NEFH: variants seen among roughly 807,000 people sequenced by gnomAD.
NEFH encodes neurofilament heavy chain, also known as neurofilament heavy polypeptide.
In NEFH, 58 loss-of-function variants were observed where a neutral mutation model predicts 56.6. The ratio of observed to expected loss-of-function variants is 1.03; its 90% CI spans 0.83 to 1.28. NEFH has a LOEUF of 1.28. Among genes scored for constraint, NEFH ranks in the 50% most tolerant of loss-of-function variants. The pLI is 0.00. For synonymous variants in NEFH, 542 were observed against 545.8 expected (o/e 0.99, Z 0.10); for missense variants, 1,221 against 1,307.6 (o/e 0.93, Z 1.02).
chr22:29,484,583 G>T (rs552244949), intron 2 of NEFH, among the ~76,000 whole-genome samples: 2 of 152,322 alleles, frequency 1.3e-5, no homozygotes, highest in East Asian at 3.9e-4. Context: ...GGAGATGGGG[G>T]TTACAGTGAG....
chr22:29,481,161 G>T lies in NEFH; in HGVS notation c.883+16G>T. On this transcript the variant is annotated intron_variant, in intron 1 of 3. Transcript: ENST00000310624. Reference sequence around the variant, plus strand: ...TGGTTCCGAGGTACGCAGGCGCGCGGGTGGGGGGAGGGGCGCCCCTGCTGA... The same window carrying T: ...TGGTTCCGAGGTACGCAGGCGCGCGTGTGGGGGGAGGGGCGCCCCTGCTGA... The T allele has an allele frequency of 2.0e-6, 3 of 1,529,866 alleles. No homozygotes were observed. The highest frequency in any genetic ancestry group is 1.2e-5 in the South Asian group (1 of 83,794). 94.8% of individuals were successfully genotyped at this position (1,529,866 alleles called of 1,614,324 possible).
In NEFH at chr22:29,480,557, G is replaced by C; in HGVS notation, c.295G>C (p.Glu99Gln). Residue 99 changes from glutamate to glutamine, a missense_variant, in exon 1 of 4, where the codon GAG (glutamate) becomes CAG (glutamine). Physicochemically the swap from Glu to Gln is conservative, Grantham distance 29. Around this residue, in one of 4 missense-constraint regions of NEFH, gnomAD observed 640 missense variants for 555.5 expected, o/e 1.15. Transcript: ENST00000310624. ...GGTGGCCACCTCACGCAGTGAGAAG[G>C]AGCAGCTGCAGGCGCTGAACGACCG... Reference protein sequence around the residue: ...VAVATSRSEKEQLQALNDRFA... With the variant: ...VAVATSRSEKQQLQALNDRFA... The C allele has an allele frequency of 1.9e-6, 3 of 1,542,148 alleles. No homozygotes were observed. The highest frequency in any genetic ancestry group is 2.6e-6 in the Non-Finnish European group (3 of 1,150,958).
chr22:29,480,325 C>T lies in NEFH; in HGVS notation c.63C>T (p.Gly21=), dbSNP rs1393958163. ...LGAPFAPLHG[G]GSLHYALARK... ...CCCCGTTCGCGCCGCTGCATGGCGG[C>T]GGCAGCCTCCACTACGCGCTAGCCC... Residue 21 remains glycine (G), a synonymous_variant, in exon 1 of 4, where the codon GGC becomes GGT. Coordinates refer to ENST00000310624, the MANE Select transcript of NEFH (RefSeq NM_021076.4). 4 of 1,507,106 alleles carry T rather than the reference C, an allele frequency of 2.7e-6. No individual in the cohort carries two copies. Among genetic ancestry groups the T allele is most frequent in the Non-Finnish European group, 3.5e-6 (4 of 1,138,102 alleles). 93.4% of individuals were successfully genotyped at this position (1,507,106 alleles called of 1,614,324 possible). A position where few individuals can be genotyped will look rare whatever the true frequency, so the allele number is the denominator to read the frequency against.
Position 29,480,733 on chromosome 22 carries a change from G to A in NEFH, c.471G>A (p.Val157=), listed in dbSNP as rs779619065. 21 of 1,469,638 alleles carry A rather than the reference G, an allele frequency of 1.4e-5. No individual in the cohort carries two copies. Among genetic ancestry groups the A allele is most frequent in the African/African-American group, 1.0e-4 (7 of 67,614 alleles). 91.0% of individuals were successfully genotyped at this position (1,469,638 alleles called of 1,614,324 possible). Residue 157 remains valine, a synonymous_variant, in exon 1 of 4, where the codon GTG becomes GTA. Coordinates refer to ENST00000310624, the MANE Select transcript of NEFH (RefSeq NM_021076.4). ...AGGTCCGCGAGATGCGCGGCGCGGT[G>A]CTGCGCCTGGGCGCGGCGCGCGGTC... ...EREVREMRGA[V]LRLGAARGQL...
At position 29,480,629 on chromosome 22, in the gene NEFH, C is replaced by T; in HGVS notation, c.367C>T (p.Arg123Cys). 2 of 1,563,888 alleles carry T rather than the reference C, an allele frequency of 1.3e-6. No individual in the cohort carries two copies. The highest frequency in any genetic ancestry group is 8.6e-7 in the Non-Finnish European group (1 of 1,164,526). ...DKVRQLEAHNRSLEGEAAALR... is the reference protein window; with the variant it reads ...DKVRQLEAHNCSLEGEAAALR... The stretch of plus-strand genomic sequence containing the variant: ...GGTGCGGCAGCTGGAGGCGCACAAC[C>T]GCAGCCTGGAGGGCGAGGCTGCGGC... Residue 123 changes from arginine to cysteine, a missense_variant, in exon 1 of 4, where the codon CGC becomes TGC. Coordinates refer to ENST00000310624, the MANE Select transcript of NEFH (RefSeq NM_021076.4).
Position 29,483,592 on chromosome 22 carries a change from A to G in NEFH, c.1083+18A>G, listed in dbSNP as rs1310678185. On this transcript the variant is annotated intron_variant, in intron 2 of 3. Coordinates refer to ENST00000310624, the MANE Select transcript of NEFH (RefSeq NM_021076.4). ...CCTACCAGGTGGGCAGGGGCAAGGC[A>G]GACAGCCAGACTGCCTTACCTGATT... 6.2e-7 allele frequency: 1 copy of G among 1,612,244 alleles called. No homozygotes were observed. The highest frequency in any genetic ancestry group is 1.3e-5 in the African/African-American group (1 of 75,016).
chr22:29,480,362 G>T lies in NEFH; in HGVS notation c.100G>T (p.Ala34Ser). ...CTACGCGCTAGCCCGAAAGGGTGGC[G>T]CAGGCGGGACGCGCTCCGCCGCTGG... ...LHYALARKGG[A>S]GGTRSAAGSS... is the part of the protein sequence containing the mutation. Residue 34 changes from alanine (A) to serine (S), a missense_variant, in exon 1 of 4, where the codon GCA (alanine) becomes TCA (serine). Transcript: ENST00000310624. 6.5e-7 allele frequency: 1 copy of T among 1,537,156 alleles called. No homozygotes were observed. Among genetic ancestry groups the T allele is most frequent in the East Asian group, 2.4e-5 (1 of 41,286 alleles).
chr22:29,486,115 T>C (rs562749337), intron 3 of NEFH, among the ~76,000 whole-genome samples: 5 of 152,208 alleles, frequency 3.3e-5, no homozygotes, highest in Non-Finnish European at 7.4e-5. Context: ...CCCTCCTGGG[T>C]TCAAGCGATT....
chr22:29,490,846 A>G lies in NEFH; in HGVS notation c.*143A>G, dbSNP rs1050302661. 1 of 1,495,106 alleles carries G rather than the reference A, an allele frequency of 6.7e-7. No individual in the cohort carries two copies. The highest frequency in any genetic ancestry group is 2.0e-5 in the Admixed American group (1 of 50,690). 92.6% of individuals were successfully genotyped at this position (1,495,106 alleles called of 1,614,324 possible). A position where few individuals can be genotyped will look rare whatever the true frequency, so the allele number is the denominator to read the frequency against. On this transcript the variant is annotated 3_prime_UTR_variant, in exon 4 of 4. Transcript: ENST00000310624. ...GATGACGGGGCCTCCTTCTTCAAAC[A>G]GGAATTTCTGTTAGCAATATGTTAG...
chr22:29,480,731 G>A lies in NEFH; in HGVS notation c.469G>A (p.Val157Met). Residue 157 changes from valine (V) to methionine (M), a missense_variant, in exon 1 of 4, where the codon GTG becomes ATG. Physicochemically the swap from Val to Met is conservative, Grantham distance 21. Coordinates refer to ENST00000310624, the MANE Select transcript of NEFH (RefSeq NM_021076.4). ...EREVREMRGA[V>M]LRLGAARGQL... ...CGAGGTCCGCGAGATGCGCGGCGCG[G>A]TGCTGCGCCTGGGCGCGGCGCGCGG... 3 of 1,471,666 alleles carry A rather than the reference G, an allele frequency of 2.0e-6. No individual in the cohort carries two copies. The highest frequency in any genetic ancestry group is 2.7e-6 in the Non-Finnish European group (3 of 1,122,216). 91.2% of individuals were successfully genotyped at this position (1,471,666 alleles called of 1,614,324 possible). A position where few individuals can be genotyped will look rare whatever the true frequency, so the allele number is the denominator to read the frequency against.
In NEFH at chr22:29,489,438, T is replaced by A; in HGVS notation, c.1798T>A (p.Ser600Thr). 1.2e-6 allele frequency: 2 copies of A among 1,609,682 alleles called. No individual in the cohort carries two copies. Among genetic ancestry groups the A allele is most frequent in the Non-Finnish European group, 1.7e-6 (2 of 1,179,216 alleles). ...EEAKSPAEAKSPEKAKSPVKE... is the reference protein window; with the variant it reads ...EEAKSPAEAKTPEKAKSPVKE... The stretch of plus-strand genomic sequence containing the variant: ...GGCAAAGTCACCGGCTGAGGCCAAG[T>A]CTCCAGAGAAGGCCAAGTCCCCAGT... Residue 600 changes from serine to threonine, a missense_variant, in exon 4 of 4, where the codon TCT becomes ACT. Transcript: ENST00000310624.
At chr22:29,481,174 G>A in intron 1 of NEFH, 29 bp downstream of exon 1, 1 of 1,056,346 alleles carries the variant, frequency 9.5e-7, no homozygotes, top group Non-Finnish European at 1.4e-6. Flanking sequence ...GGGGGGAGGG[G>A]CGCCCCTGCT....
chr22:29,491,003 C>G lies in NEFH; in HGVS notation c.*300C>G. Reference sequence around the variant, plus strand: ...ACACTTGACTATAAAAACTGCCCCCCTCCTTTCCAAATAAGTGCATTTATT... The same window carrying G: ...ACACTTGACTATAAAAACTGCCCCCGTCCTTTCCAAATAAGTGCATTTATT... On this transcript the variant is annotated 3_prime_UTR_variant, in exon 4 of 4. Coordinates refer to ENST00000310624, the MANE Select transcript of NEFH (RefSeq NM_021076.4). The G allele has an allele frequency of 2.1e-6, 1 of 485,426 alleles. No individual in the cohort carries two copies. 30.1% of individuals were successfully genotyped at this position (485,426 alleles called of 1,614,324 possible). A position where few individuals can be genotyped will look rare whatever the true frequency, so the allele number is the denominator to read the frequency against.
intron 3 of NEFH, among the ~76,000 whole-genome samples, chr22:29,487,026 A>C (rs1659971735): frequency 6.6e-6 from 1 of 152,186 alleles, no homozygotes; most frequent in Non-Finnish European, 1.5e-5. Context: ...GGAGATGATA[A>C]TAAGGGCAAC....
chr22:29,484,509 G>A lies in NEFH; in HGVS notation c.1083+935G>A, dbSNP rs530450352. Among the ~76,000 whole-genome samples the A allele has an allele frequency of 1.1e-3, 166 of 152,228 alleles. 1 individual carries two copies. Among genetic ancestry groups the A allele is most frequent in the African/African-American group, 3.9e-3 (160 of 41,544 alleles). On this transcript the variant is annotated intron_variant, in intron 2 of 3. Transcript: ENST00000310624. Reference sequence around the variant, plus strand: ...ATACAAAAATTAACTGGGCATGGTGGTGCGTGCCTGTAATCCCAGCTACTT... The same window carrying A: ...ATACAAAAATTAACTGGGCATGGTGATGCGTGCCTGTAATCCCAGCTACTT...
At position 29,480,584 on chromosome 22, in the gene NEFH, T is replaced by C; in HGVS notation, c.322T>C (p.Phe108Leu). Residue 108 changes from phenylalanine to leucine, a missense_variant, in exon 1 of 4, where the codon TTC becomes CTC. Phe to Leu is a conservative substitution (Grantham distance 22). Coordinates refer to ENST00000310624, the MANE Select transcript of NEFH (RefSeq NM_021076.4). ...KEQLQALNDRFAGYIDKVRQL... is the reference protein window; with the variant it reads ...KEQLQALNDRLAGYIDKVRQL... ...GCAGCTGCAGGCGCTGAACGACCGCTTCGCCGGGTACATCGACAAGGTGCG... is the reference window on the plus strand; with the variant it reads ...GCAGCTGCAGGCGCTGAACGACCGCCTCGCCGGGTACATCGACAAGGTGCG... The C allele has an allele frequency of 6.4e-7, 1 of 1,556,764 alleles. No individual in the cohort carries two copies. Among genetic ancestry groups the C allele is most frequent in the Non-Finnish European group, 8.6e-7 (1 of 1,159,948 alleles).
In NEFH at chr22:29,490,655, C is replaced by T; in HGVS notation, c.3015C>T (p.Ser1005=). Residue 1005 remains serine (S), a synonymous_variant, in exon 4 of 4, where the codon AGC becomes AGT. Transcript: ENST00000310624. ...CCTCCAGCACAGACCAAAAAGACAG[C>T]AAGCCTCCAGAGAAGGCCACAGAAG... ...EKSSSTDQKD[S]KPPEKATEDK... 2 of 1,614,106 alleles carry T rather than the reference C, an allele frequency of 1.2e-6. No homozygotes were observed. Among genetic ancestry groups the T allele is most frequent in the Non-Finnish European group, 1.7e-6 (2 of 1,180,010 alleles).
At position 29,480,780 on chromosome 22, in the gene NEFH, A is replaced by G; in HGVS notation, c.518A>G (p.His173Arg). The G allele has an allele frequency of 7.0e-7, 1 of 1,435,010 alleles. No homozygotes were observed. The allele number at this position is 1,435,010 out of a possible 1,614,324, so 88.9% of individuals were successfully genotyped here. A position where few individuals can be genotyped will look rare whatever the true frequency, so the allele number is the denominator to read the frequency against. ...GGTCAGCTACGCCTGGAGCAGGAGCACCTGCTCGAGGACATCGCGCACGTG... is the reference window on the plus strand; with the variant it reads ...GGTCAGCTACGCCTGGAGCAGGAGCGCCTGCTCGAGGACATCGCGCACGTG... ...ARGQLRLEQE[H>R]LLEDIAHVRQ... is the part of the protein sequence containing the mutation. The change falls in exon 1 of 4, where the codon CAC becomes CGC. Residue 173 changes from histidine (H) to arginine (R), a missense_variant. His to Arg is a conservative substitution (Grantham distance 29, BLOSUM62 0). Transcript: ENST00000310624.
intron 3 of NEFH, among the ~76,000 whole-genome samples, chr22:29,486,519 CTTTTTT>C (rs362163): frequency 2.9e-5 from 3 of 102,472 alleles, no homozygotes; most frequent in African/African-American, 1.2e-4. Flanking sequence ...AGACATGAGT[CTTTTTT>C]TTTTTTTTTT....
Sources: allele counts gnomAD v4.1 joint callset (sites outside exome capture counted in the v4.1 genomes callset), GRCh38; gene constraint gnomAD v4.1.1; regional missense constraint gnomAD v4.1.1; transcripts MANE v1.5; gene names NCBI Gene and HGNC (gene_info 2026-07-23, HGNC 2026-07-21).